Variants in CHL1 observed in about 807,000 individuals in gnomAD.
The protein encoded by CHL1 is neural cell adhesion molecule L1-like protein.
A neutral mutation model predicts 141.9 loss-of-function variants in CHL1; 96 were observed. The ratio of observed to expected loss-of-function variants is 0.68; its 90% CI spans 0.57 to 0.80. The LOEUF (loss-of-function observed/expected upper bound fraction) is 0.80. CHL1 is among the 30% of genes least tolerant of loss of function. The pLI, the probability that CHL1 is intolerant of heterozygous loss-of-function variation, is 0.00. For synonymous variants in CHL1, 613 were observed against 502.2 expected (o/e 1.22, Z -2.95); for missense variants, 1,820 against 1,457.2 (o/e 1.25, Z -4.05).
intron 2 of CHL1, among the ~76,000 whole-genome samples, chr3:267,966 A>C (rs1457164343): frequency 6.6e-6 from 1 of 152,064 alleles, no homozygotes; most frequent in African/African-American, 2.4e-5. Flanking sequence ...GATCAATTCT[A>C]AAATGATTCT....
At chr3:352,665 C>T (rs1353809) in intron 10 of CHL1, among the ~76,000 whole-genome samples, 152,260 of 152,294 alleles carry the variant, frequency 1, 76,113 homozygotes, top group Non-Finnish European at 1. Context: ...CAAGTCCCTC[C>T]CAATATTACA....
intron 15 of CHL1, 25 bp downstream of exon 15, chr3:366,140 A>G (rs764368422): frequency 3.1e-6 from 5 of 1,602,386 alleles, no homozygotes; most frequent in South Asian, 2.2e-5. Context: ...ATGATATGTC[A>G]TAATATTTGC....
intron 10 of CHL1, among the ~76,000 whole-genome samples, chr3:350,831 CCAAA>C (rs1703184613): frequency 6.6e-6 from 1 of 152,032 alleles, no homozygotes; most frequent in Non-Finnish European, 1.5e-5. Context: ...TCAACATCTG[CCAAA>C]CAGTGATATA....
intron 2 of CHL1, among the ~76,000 whole-genome samples, chr3:280,880 C>G (rs1218860311): frequency 2.0e-5 from 3 of 150,758 alleles, no homozygotes; most frequent in Non-Finnish European, 2.9e-5. Flanking sequence ...AACACGTAGA[C>G]ACACACATGC....
Position 377,819 on chromosome 3 carries a change from A to G in CHL1, c.1753A>G (p.Ile585Val), listed in dbSNP as rs1489251400. The G allele has an allele frequency of 6.2e-7, 1 of 1,601,712 alleles. No individual in the cohort carries two copies. Among genetic ancestry groups the G allele is most frequent in the Non-Finnish European group, 8.5e-7 (1 of 1,172,856 alleles). Residue 585 changes from isoleucine (I) to valine (V), a missense_variant and splice_region_variant, in exon 16 of 28, where the codon ATA becomes GTA. Transcript: ENST00000256509. ...FEINGTEDGRIIIDGANLTIS... is the reference protein window; with the variant it reads ...FEINGTEDGRVIIDGANLTIS... ...ATGTACTCACTTTTTTTCTGATAGG[A>G]TAATTATTGATGGAGCTAATTTGAC...
chr3:276,266 C>T (rs1209190683), intron 2 of CHL1, among the ~76,000 whole-genome samples: 2 of 152,056 alleles, frequency 1.3e-5, no homozygotes, highest in Non-Finnish European at 2.9e-5. Context: ...TGATTTGTGT[C>T]CATTGTAGAT....
intron 5 of CHL1, among the ~76,000 whole-genome samples, chr3:334,743 G>A (rs1380374370): frequency 1.3e-5 from 2 of 152,046 alleles, no homozygotes; most frequent in Non-Finnish European, 2.9e-5. Flanking sequence ...AAATTCTCTG[G>A]GGTTATTAAA....
chr3:248,251 CA>C (rs1693358702), intron 2 of CHL1: 1 of 151,960 alleles, frequency 6.6e-6, no homozygotes, highest in African/African-American at 2.4e-5. Flanking sequence ...ATTTGATTTC[CA>C]AGGCATGAAA....
chr3:335,535 C>A (rs148928525), intron 5 of CHL1, among the ~76,000 whole-genome samples: 85 of 152,270 alleles, frequency 5.6e-4, no homozygotes, highest in African/African-American at 1.9e-3. Flanking sequence ...ACAATGATGG[C>A]AGACTGTGAG....
intron 2 of CHL1, among the ~76,000 whole-genome samples, chr3:260,189 A>C (rs1217016114): frequency 1.3e-5 from 2 of 152,126 alleles, no homozygotes; most frequent in Non-Finnish European, 2.9e-5. Flanking sequence ...ACTTGAACCC[A>C]GGAGGTGGAG....
In CHL1 at chr3:383,816, C is replaced by T. The variant is rs1707347735; in HGVS notation, c.2177C>T (p.Ala726Val). 3.1e-6 allele frequency: 5 copies of T among 1,607,466 alleles called. No individual in the cohort carries two copies. The highest frequency in any genetic ancestry group is 1.3e-5 in the African/African-American group (1 of 74,758). Reference sequence around the variant, plus strand: ...AATGTTAATGTTTTTAATTTTTCAGCTCCAGATAGGAATCCACAAAACATA... The same window carrying T: ...AATGTTAATGTTTTTAATTTTTCAGTTCCAGATAGGAATCCACAAAACATA... ...PSDHHETPPA[A>V]PDRNPQNIRV... is the part of the protein sequence containing the mutation. The change falls in exon 19 of 28, where the codon GCT becomes GTT. Residue 726 changes from alanine (A) to valine (V), a missense_variant and splice_region_variant. Ala to Val is a moderately conservative substitution (Grantham distance 64, BLOSUM62 0). Transcript: ENST00000256509.
intron 2 of CHL1, among the ~76,000 whole-genome samples, chr3:302,923 G>C (rs1698885867): frequency 1.3e-5 from 2 of 152,174 alleles, no homozygotes; most frequent in South Asian, 4.1e-4. Flanking sequence ...TTTTGTGTAA[G>C]GTGTAAGGAA....
chr3:396,756 G>C (rs563467534), intron 24 of CHL1, among the ~76,000 whole-genome samples: 1 of 152,004 alleles, frequency 6.6e-6, no homozygotes, highest in African/African-American at 2.4e-5. Flanking sequence ...CCCCCTTCCC[G>C]AGTTGACACT....
intron 1 of CHL1, among the ~76,000 whole-genome samples, chr3:228,167 A>G (rs1281522286): frequency 6.6e-6 from 1 of 152,240 alleles, no homozygotes; most frequent in Admixed American, 6.5e-5. Context: ...TGGAATGTAT[A>G]GTCTTAAAAA....
chr3:286,918 A>G (rs1697208751), intron 2 of CHL1, among the ~76,000 whole-genome samples: 1 of 152,060 alleles, frequency 6.6e-6, no homozygotes, highest in Non-Finnish European at 1.5e-5. Context: ...AGCAGTGAGG[A>G]CCACCAGAGG....
intron 7 of CHL1, among the ~76,000 whole-genome samples, 157 bp from the exon 8 acceptor site, chr3:342,827 C>G (rs1346918611): frequency 6.6e-6 from 1 of 152,150 alleles, no homozygotes; most frequent in East Asian, 1.9e-4. Flanking sequence ...TAATTATTTT[C>G]TATGTAAAAC....
Position 212,102 on chromosome 3 carries a change from G to A in CHL1, c.-175+15039G>A, listed in dbSNP as rs554002585. Among the ~76,000 whole-genome samples, 9 of 151,978 alleles carry A rather than the reference G, an allele frequency of 5.9e-5. No homozygotes were observed. The South Asian group carries it at 1.0e-3, about 18-fold the overall frequency. ...AATGTTATATATGTTAAATTCTGCC[G>A]TTTTAGATTTCAGGAAAACAAATGC... On this transcript the variant is annotated intron_variant, in intron 1 of 27. Transcript: ENST00000256509.
At chr3:199,574 C>T (rs1477777185) in intron 1 of CHL1, among the ~76,000 whole-genome samples, 1 of 152,116 alleles carries the variant, frequency 6.6e-6, no homozygotes, top group Non-Finnish European at 1.5e-5. Context: ...TAATTCATCT[C>T]ATTACATGAA....
intron 15 of CHL1, 126 bp downstream of exon 15, chr3:366,241 C>A (rs571658214): frequency 1.2e-6 from 1 of 820,978 alleles, no homozygotes; most frequent in Admixed American, 2.6e-5. Flanking sequence ...GAGACCGAGG[C>A]GAGTGGATCA....
Sources: allele counts gnomAD v4.1 joint callset (sites outside exome capture counted in the v4.1 genomes callset), GRCh38; gene constraint gnomAD v4.1.1; transcripts MANE v1.5; gene names NCBI Gene and HGNC (gene_info 2026-07-23, HGNC 2026-07-21).